ANKRD28: variants seen among roughly 807,000 people sequenced by gnomAD.
ANKRD28 encodes serine/threonine-protein phosphatase 6 regulatory ankyrin repeat subunit A.
In ANKRD28, 44 loss-of-function variants were observed where a neutral mutation model predicts 126.5. That is an observed-to-expected ratio of 0.35 (90% CI 0.27 to 0.45). ANKRD28 has a LOEUF of 0.45. ANKRD28 is among the 20% of genes least tolerant of loss of function. ANKRD28 has a pLI of 1.00. For missense variants in ANKRD28, 1,110 were observed against 1,316.6 expected (o/e 0.84, Z 2.43); for synonymous variants, 442 against 468.5 (o/e 0.94, Z 0.73).
chr3:15,839,183 G>A lies in ANKRD28; in HGVS notation c.27+20194C>T, dbSNP rs781562262. Reference sequence around the variant, plus strand: ...TACTCTAAAACTGGTTTGTAATGATGAGTGCAAAATTCTTTAAATTTACTG... The same window carrying A: ...TACTCTAAAACTGGTTTGTAATGATAAGTGCAAAATTCTTTAAATTTACTG... On this transcript the variant is annotated intron_variant, in intron 1 of 27. Transcript: ENST00000399451. The surrounding 1 kb of genome is among the most constrained non-coding windows in gnomAD (Gnocchi z 4.3). 2.6e-5 allele frequency among the ~76,000 whole-genome samples: 4 copies of A among 152,022 alleles called. No individual in the cohort carries two copies. The highest frequency in any genetic ancestry group is 5.9e-5 in the Non-Finnish European group (4 of 68,002).
intron 1 of ANKRD28, among the ~76,000 whole-genome samples, chr3:15,809,906 C>T (rs115861475): frequency 6.6e-6 from 1 of 151,980 alleles, no homozygotes; most frequent in African/African-American, 2.4e-5. Context: ...TCAAGTATAC[C>T]ATGCCACTAC....
chr3:15,760,538 T>C (rs1008347811), intron 3 of ANKRD28, among the ~76,000 whole-genome samples: 3 of 152,162 alleles, frequency 2.0e-5, no homozygotes, highest in Non-Finnish European at 1.5e-5. Context: ...GATAAAAATA[T>C]ACAGAGTAGA....
chr3:15,829,871 G>T (rs968982365), intron 1 of ANKRD28, among the ~76,000 whole-genome samples: 4 of 151,210 alleles, frequency 2.6e-5, no homozygotes, highest in Non-Finnish European at 5.9e-5. Flanking sequence ...TCAATAAAAG[G>T]TTTGCCAAAG....
At chr3:15,744,609 G>A (rs931536193) in intron 4 of ANKRD28, among the ~76,000 whole-genome samples, 36 of 152,080 alleles carry the variant, frequency 2.4e-4, no homozygotes, top group East Asian at 5.8e-4. Flanking sequence ...GAGCCACCGC[G>A]CCTGGCCAAT....
chr3:15,842,744 T>A (rs914054305), intron 1 of ANKRD28, among the ~76,000 whole-genome samples: 2 of 151,616 alleles, frequency 1.3e-5, no homozygotes, highest in Non-Finnish European at 3.0e-5. Flanking sequence ...AAAACAAAAA[T>A]TTTTTAAAAC....
chr3:15,718,298 G>A (rs1004625472), intron 8 of ANKRD28, among the ~76,000 whole-genome samples: 3 of 152,128 alleles, frequency 2.0e-5, no homozygotes, highest in East Asian at 1.9e-4. Flanking sequence ...GATGACTTTC[G>A]TGAAATCTGT....
intron 3 of ANKRD28, among the ~76,000 whole-genome samples, chr3:15,753,249 C>A (rs906937407): frequency 6.6e-6 from 1 of 152,132 alleles, no homozygotes; most frequent in Non-Finnish European, 1.5e-5. Context: ...CACTGTGGAA[C>A]CCTAGATGGT....
intron 5 of ANKRD28, 123 bp downstream of exon 5, chr3:15,736,910 T>C: frequency 9.6e-7 from 1 of 1,041,042 alleles, no homozygotes. Flanking sequence ...GAGGCAAAAT[T>C]AGACAAAAAT....
chr3:15,719,110 A>C (rs1016352660), intron 8 of ANKRD28, among the ~76,000 whole-genome samples: 1 of 152,198 alleles, frequency 6.6e-6, no homozygotes, highest in Non-Finnish European at 1.5e-5. Context: ...AGCTCTAATC[A>C]TATTAGGGCA....
At chr3:15,755,483 C>T (rs2058105378) in intron 3 of ANKRD28, among the ~76,000 whole-genome samples, 1 of 152,162 alleles carries the variant, frequency 6.6e-6, no homozygotes, top group African/African-American at 2.4e-5. Flanking sequence ...CTGTTCCACA[C>T]AGAATACTCC....
intron 17 of ANKRD28, among the ~76,000 whole-genome samples, chr3:15,691,268 C>A (rs887977139): frequency 6.6e-6 from 1 of 152,010 alleles, no homozygotes; most frequent in Non-Finnish European, 1.5e-5. Context: ...GGATTACAGG[C>A]GCATGCCACC....
chr3:15,855,580 C>T (rs1046084602), intron 1 of ANKRD28, among the ~76,000 whole-genome samples: 7 of 152,216 alleles, frequency 4.6e-5, no homozygotes, highest in African/African-American at 1.7e-4. Context: ...ACAGGAACTT[C>T]TTTTAGGAAT....
chr3:15,792,705 AT>A (rs1440298695), intron 2 of ANKRD28, among the ~76,000 whole-genome samples: 1 of 152,172 alleles, frequency 6.6e-6, no homozygotes, highest in Non-Finnish European at 1.5e-5. Context: ...AACTTAAATA[AT>A]GTAATTGGAA....
rs749905297 is a variant in ANKRD28, at chr3:15,796,665, A to G, written c.-144T>C. ...TGGGTTTTTTTTTTTTTTAAAGTTA[A>G]TAAGTACTACTGGAAAAACAAGTTT... On this transcript the variant is annotated 5_prime_UTR_variant, in exon 1 of 28. Transcript: ENST00000683139. 504 of 965,108 alleles carry G rather than the reference A, an allele frequency of 5.2e-4. 1 individual carries two copies. The highest frequency in any genetic ancestry group is 5.8e-4 in the Non-Finnish European group (468 of 802,982). 59.8% of individuals were successfully genotyped at this position (965,108 alleles called of 1,614,324 possible). A position where few individuals can be genotyped will look rare whatever the true frequency, so the allele number is the denominator to read the frequency against.
rs576380300 is a variant in ANKRD28 at position 15,719,756 on chromosome 3, T to C, written c.996+1159A>G. ...TTTGGTAGAGATAGAGGTCTTGCTA[T>C]GTTGCCCAGGCTGGTCTTGAACTCC... On this transcript the variant is annotated intron_variant, in intron 8 of 27. Transcript: ENST00000683139. Among the ~76,000 whole-genome samples, 4 of 152,262 alleles carry C rather than the reference T, an allele frequency of 2.6e-5. No individual in the cohort carries two copies. In the South Asian group the frequency reaches 6.2e-4, roughly 24 times the overall value.
chr3:15,761,792 A>G (rs1308927771), intron 3 of ANKRD28, among the ~76,000 whole-genome samples: 1 of 152,176 alleles, frequency 6.6e-6, no homozygotes, highest in African/African-American at 2.4e-5. Context: ...TTTCAATTTA[A>G]AGAGTTAATA....
Position 15,853,715 on chromosome 3 carries a change from C to T in ANKRD28, c.27+5662G>A, listed in dbSNP as rs188168239. ...CGATCTCCTGACCTCATGATCCGCC[C>T]GCCTCGGTCTCCCAAAGTGCTGGGA... On this transcript the variant is annotated intron_variant, in intron 1 of 27. Coordinates refer to the ANKRD28 transcript ENST00000399451. The surrounding 1 kb of genome is among the most constrained non-coding windows in gnomAD (Gnocchi z 4.2). Among the ~76,000 whole-genome samples, 1,073 of 152,182 alleles carry T rather than the reference C, an allele frequency of 7.1e-3. 5 individuals are homozygous for T. The highest frequency in any genetic ancestry group is 8.8e-3 in the Non-Finnish European group (596 of 68,000).
chr3:15,827,001 A>G (rs2061081156), intron 1 of ANKRD28, among the ~76,000 whole-genome samples: 1 of 152,196 alleles, frequency 6.6e-6, no homozygotes, highest in African/African-American at 2.4e-5. Context: ...CAAATGGCCA[A>G]GTATATATTT....
chr3:15,756,863 G>A (rs1423235100), intron 3 of ANKRD28, among the ~76,000 whole-genome samples: 1 of 152,154 alleles, frequency 6.6e-6, no homozygotes. Context: ...CAAGACAACT[G>A]ATTGACTTAT....
Sources: allele counts gnomAD v4.1 joint callset (sites outside exome capture counted in the v4.1 genomes callset), GRCh38; gene constraint gnomAD v4.1.1; non-coding constraint Gnocchi (gnomAD v3.1); transcripts MANE v1.5; gene names NCBI Gene and HGNC (gene_info 2026-07-23, HGNC 2026-07-21).